SLFN12: variants seen among roughly 807,000 people sequenced by gnomAD.
The protein encoded by SLFN12 is schlafen family member 12, also known as ribonuclease SLFN12.
A neutral mutation model predicts 29.1 loss-of-function variants in SLFN12; 25 were observed. The ratio of observed to expected loss-of-function variants is 0.86; its 90% CI spans 0.63 to 1.20. The LOEUF (loss-of-function observed/expected upper bound fraction) is 1.20. Among genes scored for constraint, SLFN12 ranks in the 50% most tolerant of loss-of-function variants. The pLI is 0.00. For synonymous variants in SLFN12, 257 were observed against 238.7 expected (o/e 1.08, Z -0.71); for missense variants, 660 against 666.2 (o/e 0.99, Z 0.10).
In SLFN12 at chr17:35,411,323, C is replaced by T. The variant is rs1263585376; in HGVS notation, c.*15G>A. 16 of 1,450,080 alleles carry T rather than the reference C, an allele frequency of 1.1e-5. No homozygotes were observed. The highest frequency in any genetic ancestry group is 1.2e-5 in the Non-Finnish European group (13 of 1,076,882). 89.8% of individuals were successfully genotyped at this position (1,450,080 alleles called of 1,614,324 possible). The stretch of plus-strand genomic sequence containing the variant: ...ATATAATGAAAAATATCTCAGTAGC[C>T]CAGTCCATTTTCCATCAGGTGAGCC... On this transcript the variant is annotated 3_prime_UTR_variant, in exon 4 of 4. Transcript: ENST00000304905.
In SLFN12 at chr17:35,420,305, C is replaced by T. The variant is rs1244029938; in HGVS notation, c.1116G>A (p.Leu372=). ...SLPAPHSWPL[L]EWQRQRHHCP... is the part of the protein sequence containing the mutation. ...AGTGATGTCTCTGCCGTTGCCATTC[C>T]AAAAGAGGCCAACTGTGGGGAGCAG... The change falls in exon 3 of 4, where the codon TTG becomes TTA. Residue 372 remains leucine (L), a synonymous_variant. Transcript: ENST00000304905. 2 of 1,613,666 alleles carry T rather than the reference C, an allele frequency of 1.2e-6. No homozygotes were observed. Among genetic ancestry groups the T allele is most frequent in the Non-Finnish European group, 1.7e-6 (2 of 1,179,722 alleles).
intron 3 of SLFN12, among the ~76,000 whole-genome samples, chr17:35,418,366 T>G (rs62081004): frequency 6.6e-6 from 1 of 152,130 alleles, no homozygotes; most frequent in African/African-American, 2.4e-5. Context: ...CACCCCAAGA[T>G]AGCAAGACCA....
At chr17:35,427,190 G>A (rs1009972249) in intron 1 of SLFN12, among the ~76,000 whole-genome samples, 4 of 152,160 alleles carry the variant, frequency 2.6e-5, no homozygotes, top group African/African-American at 9.6e-5. Context: ...GCAAAAACTT[G>A]GGCAAGGGTG....
Position 35,423,036 on chromosome 17 carries a change from G to A in SLFN12, c.-8C>T. The A allele has an allele frequency of 6.3e-7, 1 of 1,597,218 alleles. No homozygotes were observed. Among genetic ancestry groups the A allele is most frequent in the Non-Finnish European group, 8.5e-7 (1 of 1,171,776 alleles). The stretch of plus-strand genomic sequence containing the variant: ...ATCAACACTGATGTTCATTTTCCCA[G>A]CAGCTATGCAGTGTCCAAGCAGAAA... On this transcript the variant is annotated 5_prime_UTR_variant, in exon 2 of 4. Coordinates refer to ENST00000304905, the MANE Select transcript of SLFN12 (RefSeq NM_018042.5).
At chr17:35,416,276 C>T (rs1911304137) in intron 3 of SLFN12, among the ~76,000 whole-genome samples, 1 of 152,090 alleles carries the variant, frequency 6.6e-6, no homozygotes, top group East Asian at 1.9e-4. Flanking sequence ...ATTGTATGTT[C>T]TCACTCATAA....
intron 3 of SLFN12, among the ~76,000 whole-genome samples, chr17:35,413,855 C>G (rs542962014): frequency 6.6e-6 from 1 of 151,590 alleles, no homozygotes; most frequent in South Asian, 2.1e-4. Flanking sequence ...TTGTGATATA[C>G]CACATTAATA....
upstream of SLFN12, chr17:35,432,849 C>T (rs1362833295): frequency 6.6e-6 from 1 of 152,048 alleles, no homozygotes; most frequent in Non-Finnish European, 1.5e-5. Context: ...CAGCAGACTC[C>T]CCAGAAATGA....
intron 1 of SLFN12, among the ~76,000 whole-genome samples, chr17:35,427,525 T>G (rs2142049220): frequency 6.6e-6 from 1 of 152,280 alleles, no homozygotes. Flanking sequence ...TTCTATTATT[T>G]CACATTTTAC....
intron 1 of SLFN12, among the ~76,000 whole-genome samples, chr17:35,424,779 T>C (rs999321875): frequency 4.6e-5 from 7 of 152,256 alleles, no homozygotes; most frequent in Middle Eastern, 3.4e-3. Context: ...TAGTTCTTTG[T>C]CCATGTTTTC....
chr17:35,431,597 G>T (rs531447021), intron 1 of SLFN12, among the ~76,000 whole-genome samples: 1 of 152,108 alleles, frequency 6.6e-6, no homozygotes, highest in Non-Finnish European at 1.5e-5. Flanking sequence ...ATCTTAGAGC[G>T]TCAGACGTCT....
At chr17:35,433,052 A>G (rs1912407972), upstream of SLFN12, 1 of 152,148 alleles carries the variant, frequency 6.6e-6, no homozygotes, top group South Asian at 2.1e-4. Flanking sequence ...TTTTTCACCC[A>G]TGTGTATTTT....
chr17:35,419,005 C>T (rs2142037011), intron 3 of SLFN12, among the ~76,000 whole-genome samples: 1 of 152,102 alleles, frequency 6.6e-6, no homozygotes, highest in East Asian at 1.9e-4. Flanking sequence ...GTAGCTGGGT[C>T]TGCAGGTGTG....
chr17:35,422,661 C>T lies in SLFN12; in HGVS notation c.368G>A (p.Ser123Asn), dbSNP rs202168171. 2 of 1,613,870 alleles carry T rather than the reference C, an allele frequency of 1.2e-6. No homozygotes were observed. Among genetic ancestry groups the T allele is most frequent in the Admixed American group, 3.3e-5 (2 of 59,992 alleles). Residue 123 changes from serine (S) to asparagine (N), a missense_variant, in exon 2 of 4, where the codon AGC becomes AAC. Transcript: ENST00000304905. ...TATATCTCTTTTGTACAAATTGGAG[C>T]TCAAGGTGGTAATCCGCAGACCAGA... is the stretch of plus-strand genomic sequence containing the variant. ...NTSGLRITTL[S>N]SNLYKRDITS...
At chr17:35,420,455 A>C in intron 2 of SLFN12, 74 bp from the exon 3 acceptor site, 4 of 868,880 alleles carry the variant, frequency 4.6e-6, no homozygotes, top group South Asian at 1.7e-5. Context: ...AGTATTATAT[A>C]TTAAAAGTCT....
Position 35,422,462 on chromosome 17 carries a change from T to C in SLFN12, c.567A>G (p.Glu189=), listed in dbSNP as rs1444061436. ...AGGTCAATTTTTCTTTCCGATCAAG[T>C]TCTGTTCTATCAAAAAAAACCCCGG... ...ALAGVFFDRT[E]LDRKEKLTFT... is the part of the protein sequence containing the mutation. The change falls in exon 2 of 4, where the codon GAA becomes GAG. Residue 189 remains glutamate, a synonymous_variant. Transcript: ENST00000304905. 11 of 1,612,600 alleles carry C rather than the reference T, an allele frequency of 6.8e-6. No individual in the cohort carries two copies. Among genetic ancestry groups the C allele is most frequent in the African/African-American group, 2.7e-5 (2 of 74,736 alleles).
In SLFN12 at chr17:35,420,296, T is replaced by C. The variant is rs371196916; in HGVS notation, c.1125A>G (p.Gln375=). 1 of 1,613,122 alleles carries C rather than the reference T, an allele frequency of 6.2e-7. No individual in the cohort carries two copies. The highest frequency in any genetic ancestry group is 1.3e-5 in the African/African-American group (1 of 74,904). ...TACCTGGACAGTGATGTCTCTGCCG[T>C]TGCCATTCCAAAAGAGGCCAACTGT... ...APHSWPLLEW[Q]RQRHHCPGLS... The change falls in exon 3 of 4, where the codon CAA becomes CAG. Residue 375 remains glutamine (Q), a synonymous_variant. Transcript: ENST00000304905.
intron 1 of SLFN12, chr17:35,430,731 A>G (rs1334491206): frequency 6.6e-6 from 1 of 152,166 alleles, no homozygotes; most frequent in Non-Finnish European, 1.5e-5. Flanking sequence ...ACCAGTTAAA[A>G]TTAAATAGAT....
At chr17:35,414,255 A>C (rs1911196444) in intron 3 of SLFN12, among the ~76,000 whole-genome samples, 2 of 152,262 alleles carry the variant, frequency 1.3e-5, no homozygotes, top group South Asian at 4.1e-4. Context: ...AAAAATGATC[A>C]GAACAAATAA....
intron 3 of SLFN12, among the ~76,000 whole-genome samples, chr17:35,417,975 A>G (rs1215074749): frequency 2.0e-5 from 3 of 152,156 alleles, no homozygotes; most frequent in African/African-American, 7.2e-5. Context: ...GATATAAATA[A>G]GTAAAAAGAT....
Sources: gnomAD v4.1 joint callset for allele counts (sites outside exome capture counted in the v4.1 genomes callset) on GRCh38, gnomAD v4.1.1 for gene constraint, MANE v1.5 for transcripts, NCBI Gene and HGNC (gene_info 2026-07-23, HGNC 2026-07-21) for gene names.